Variants in BAZ2B observed in about 807,000 individuals in gnomAD.
BAZ2B encodes bromodomain adjacent to zinc finger domain protein 2B.
BAZ2B carries 91 observed loss-of-function variants against 246.0 expected under a neutral mutation model. The observed-to-expected ratio is 0.37, with a 90% CI of 0.31 to 0.44. The LOEUF is 0.44. Among genes scored for constraint, BAZ2B ranks in the 20% least tolerant of loss-of-function variants. The pLI, the probability that BAZ2B is intolerant of heterozygous loss-of-function variation, is 1.00. For missense variants in BAZ2B, 2,332 were observed against 2,533.7 expected, an observed-to-expected ratio of 0.92 and a Z score of 1.71; for synonymous variants, 855 against 860.0, an observed-to-expected ratio of 0.99 and a Z score of 0.10.
At chr2:159,571,988 T>G (rs1248373578) in intron 1 of BAZ2B, among the ~76,000 whole-genome samples, 1 of 152,214 alleles carries the variant, frequency 6.6e-6, no homozygotes, top group Non-Finnish European at 1.5e-5. Context: ...AGTTTCAACA[T>G]GATTTTTGGA....
chr2:159,442,226 C>CAAG (rs1378545222), intron 6 of BAZ2B, among the ~76,000 whole-genome samples: 1 of 151,938 alleles, frequency 6.6e-6, no homozygotes, highest in African/African-American at 2.4e-5. Context: ...AGCCAATCAC[C>CAAG]CAAGGACATA....
At chr2:159,486,585 TTTC>T (rs769522084) in intron 2 of BAZ2B, among the ~76,000 whole-genome samples, 3 of 151,366 alleles carry the variant, frequency 2.0e-5, no homozygotes, top group South Asian at 2.1e-4. Flanking sequence ...GGCTTTTCTT[TTTC>T]TTCTTCTTTT....
chr2:159,534,740 G>A (rs2085751639), intron 2 of BAZ2B, among the ~76,000 whole-genome samples: 1 of 151,954 alleles, frequency 6.6e-6, no homozygotes, highest in South Asian at 2.1e-4. Context: ...CCGCGTAGCT[G>A]GGACTACAGG....
the BAZ2B span, among the ~76,000 whole-genome samples, chr2:159,696,855 G>A: frequency 7.9e-5 from 12 of 152,168 alleles, no homozygotes; most frequent in South Asian, 2.3e-3. Context: ...GCGCCATCTC[G>A]GCTCACTGCA....
At chr2:159,546,780 TGGAGAA>T (rs2151419595) in intron 2 of BAZ2B, among the ~76,000 whole-genome samples, 1 of 152,122 alleles carries the variant, frequency 6.6e-6, no homozygotes, top group South Asian at 2.1e-4. Flanking sequence ...TTTCTCCCTG[TGGAGAA>T]TATATTTGCA....
intron 2 of BAZ2B, among the ~76,000 whole-genome samples, chr2:159,522,362 C>T (rs1282866789): frequency 1.3e-5 from 2 of 152,140 alleles, no homozygotes; most frequent in Non-Finnish European, 2.9e-5. Flanking sequence ...TTCACCTGTG[C>T]TACAGATAAA....
At chr2:159,385,461 G>A in intron 22 of BAZ2B, 92 bp from the exon 23 acceptor site, 4 of 1,128,526 alleles carry the variant, frequency 3.5e-6, no homozygotes, top group Non-Finnish European at 5.1e-6. Context: ...ATTTGATTTA[G>A]ATACTACTGA....
the BAZ2B span, among the ~76,000 whole-genome samples, chr2:159,701,338 C>A: frequency 6.6e-6 from 1 of 151,830 alleles, no homozygotes. Context: ...TATTTTTCTT[C>A]TCATTAATTT....
intron 8 of BAZ2B, among the ~76,000 whole-genome samples, chr2:159,435,937 T>C (rs1577012774): frequency 1.3e-5 from 2 of 152,254 alleles, no homozygotes; most frequent in African/African-American, 2.4e-5. Context: ...AAAATATTTG[T>C]ACCTAAGGCA....
At chr2:159,576,969 T>A (rs1348199548) in intron 1 of BAZ2B, among the ~76,000 whole-genome samples, 1 of 150,476 alleles carries the variant, frequency 6.6e-6, no homozygotes. Context: ...CTCACACCTG[T>A]ATTCTCAGCC....
the BAZ2B span, among the ~76,000 whole-genome samples, chr2:159,634,908 G>GAC: frequency 6.6e-6 from 1 of 152,108 alleles, no homozygotes. Flanking sequence ...TTAATGAAGA[G>GAC]ACAATCCAAA....
In BAZ2B at chr2:159,382,551, T is replaced by G. The variant is rs1221700691; in HGVS notation, c.4005+8A>C. 6.5e-7 allele frequency: 1 copy of G among 1,547,330 alleles called. No homozygotes were observed. The highest frequency in any genetic ancestry group is 8.7e-7 in the Non-Finnish European group (1 of 1,146,046). ...TAGTTGTCTTAAAATCAACCTAAAT[T>G]TCATTACCTCATCTTCACAGATATC... On this transcript the variant is annotated splice_region_variant and intron_variant, in intron 25 of 36. Transcript: ENST00000392783.
intron 27 of BAZ2B, among the ~76,000 whole-genome samples, chr2:159,361,301 G>C (rs779100304): frequency 1.4e-4 from 22 of 152,118 alleles, no homozygotes; most frequent in Admixed American, 5.2e-4. Flanking sequence ...GATATGAATA[G>C]ACACTTCTCA....
the BAZ2B span, among the ~76,000 whole-genome samples, chr2:159,622,658 G>A: frequency 6.6e-6 from 1 of 152,088 alleles, no homozygotes; most frequent in Non-Finnish European, 1.5e-5. Flanking sequence ...TAAAAACAGA[G>A]AAGAAAAAGA....
chr2:159,395,321 A>G (rs2063866605), intron 20 of BAZ2B: 1 of 152,546 alleles, frequency 6.6e-6, no homozygotes, highest in Non-Finnish European at 1.5e-5. Flanking sequence ...CTTATTCTGA[A>G]TTATTTGTTA....
At chr2:159,667,317 C>T in the BAZ2B span, among the ~76,000 whole-genome samples, 150 of 152,094 alleles carry the variant, frequency 9.9e-4, no homozygotes, top group African/African-American at 3.5e-3. Flanking sequence ...ACTCTCCAGC[C>T]AGACATGGTG....
At chr2:159,442,993 T>C (rs2150332437) in intron 6 of BAZ2B, among the ~76,000 whole-genome samples, 1 of 152,342 alleles carries the variant, frequency 6.6e-6, no homozygotes, top group East Asian at 1.9e-4. Context: ...GCTATGAGTA[T>C]GGGTATACAG....
At chr2:159,562,926 T>G (rs1457115852) in intron 1 of BAZ2B, among the ~76,000 whole-genome samples, 1 of 152,014 alleles carries the variant, frequency 6.6e-6, no homozygotes, top group African/African-American at 2.4e-5. Context: ...AAACATAAGG[T>G]AACAGTTTCA....
intron 1 of BAZ2B, among the ~76,000 whole-genome samples, chr2:159,579,100 C>CA (rs1283623786): frequency 1.3e-5 from 2 of 151,796 alleles, no homozygotes; most frequent in East Asian, 1.9e-4. Flanking sequence ...GACAGAGACA[C>CA]AAAAAAACCC....
Sources: allele counts gnomAD v4.1 joint callset (sites outside exome capture counted in the v4.1 genomes callset), GRCh38; gene constraint gnomAD v4.1.1; transcripts MANE v1.5; gene names NCBI Gene and HGNC (gene_info 2026-07-23, HGNC 2026-07-21).